FMNL2: variants seen among roughly 807,000 people sequenced by gnomAD.
FMNL2 encodes formin-like protein 2.
In FMNL2, 51 loss-of-function variants were observed where a neutral mutation model predicts 130.2. The ratio of observed to expected loss-of-function variants is 0.39; its 90% CI spans 0.31 to 0.49. The LOEUF (loss-of-function observed/expected upper bound fraction) is 0.49, where lower values mean the gene tolerates loss of function less well. Among genes scored for constraint, FMNL2 ranks in the 20% least tolerant of loss-of-function variants. The probability of loss-of-function intolerance (pLI) is 0.85; values close to 1 mark genes in which losing one functional copy is unlikely to be tolerated. For missense variants in FMNL2, 977 were observed against 1,316.2 expected (o/e 0.74, Z 3.99); for synonymous variants, 465 against 467.1 (o/e 1.00, Z 0.06).
intron 1 of FMNL2, among the ~76,000 whole-genome samples, chr2:152,443,768 G>A (rs1043419244): frequency 6.6e-6 from 1 of 152,062 alleles, no homozygotes; most frequent in Non-Finnish European, 1.5e-5. Flanking sequence ...GCTTGAACCC[G>A]GGAGGCAGAG....
intron 9 of FMNL2, among the ~76,000 whole-genome samples, chr2:152,591,938 C>T (rs1697467260): frequency 1.3e-5 from 2 of 152,234 alleles, no homozygotes; most frequent in East Asian, 3.9e-4. Context: ...CCCTTCTCTA[C>T]TAAAAATACA....
At chr2:152,482,375 T>C (rs748122368) in intron 1 of FMNL2, among the ~76,000 whole-genome samples, 2 of 152,212 alleles carry the variant, frequency 1.3e-5, no homozygotes, top group Non-Finnish European at 2.9e-5. Context: ...TCCATTCATA[T>C]GTGAAATAGC....
In FMNL2 at chr2:152,528,184, T is replaced by C. The variant is rs1260363631; in HGVS notation, c.201+6158T>C. Among the ~76,000 whole-genome samples, 4 of 152,228 alleles carry C rather than the reference T, an allele frequency of 2.6e-5. No homozygotes were observed. In the East Asian group the frequency reaches 7.7e-4, roughly 29 times the overall value. On this transcript the variant is annotated intron_variant, in intron 2 of 25. Transcript: ENST00000288670. ...CTTTCAAAACAAATATGAGTATCAT[T>C]ACTACCTAAAACATTACTAAGTAAA... is the stretch of plus-strand genomic sequence containing the variant.
intron 2 of FMNL2, among the ~76,000 whole-genome samples, chr2:152,532,202 A>T (rs1693736264): frequency 6.6e-6 from 1 of 152,222 alleles, no homozygotes; most frequent in South Asian, 2.1e-4. Flanking sequence ...CTTCTTCATT[A>T]GGGCAAGATA....
intron 17 of FMNL2, among the ~76,000 whole-genome samples, chr2:152,627,579 A>G (rs1187417568): frequency 6.6e-6 from 1 of 152,196 alleles, no homozygotes; most frequent in African/African-American, 2.4e-5. Flanking sequence ...CTGTCATTGA[A>G]TCCTGAAGTG....
intron 1 of FMNL2, among the ~76,000 whole-genome samples, chr2:152,385,337 G>T (rs976991512): frequency 1.3e-5 from 2 of 152,208 alleles, no homozygotes; most frequent in African/African-American, 4.8e-5. Context: ...AGTTTGTAGG[G>T]AGGGAGGCTG....
At chr2:152,632,196 G>A (rs993258838) in intron 21 of FMNL2, 59 bp downstream of exon 21, 1 of 1,567,068 alleles carries the variant, frequency 6.4e-7, no homozygotes, top group South Asian at 1.2e-5. Context: ...AATTGTGGTG[G>A]AGCCATTCCC....
intron 6 of FMNL2, 112 bp downstream of exon 6, chr2:152,561,147 T>C: frequency 9.3e-7 from 1 of 1,079,398 alleles, no homozygotes; most frequent in African/African-American, 1.6e-5. Flanking sequence ...TACAGCACTT[T>C]CATTTGCAAT....
chr2:152,554,197 G>A (rs1331567052), intron 4 of FMNL2, among the ~76,000 whole-genome samples: 1 of 152,128 alleles, frequency 6.6e-6, no homozygotes, highest in African/African-American at 2.4e-5. Flanking sequence ...GCTTGAGCCT[G>A]GGAGTTTGAG....
chr2:152,628,679 A>G, intron 18 of FMNL2, 146 bp downstream of exon 18: 1 of 677,868 alleles, frequency 1.5e-6, no homozygotes, highest in South Asian at 1.9e-5. Context: ...TATTTCAACC[A>G]TCTTTTCCAC....
intron 1 of FMNL2, among the ~76,000 whole-genome samples, chr2:152,402,533 T>A (rs188901682): frequency 1.3e-5 from 2 of 152,318 alleles, no homozygotes; most frequent in East Asian, 3.9e-4. Flanking sequence ...TCTTTTGTGA[T>A]GTTTACTGGT....
intron 1 of FMNL2, chr2:152,390,336 T>A: frequency 8.5e-7 from 1 of 1,178,602 alleles, no homozygotes; most frequent in African/African-American, 1.5e-5. Flanking sequence ...GGAGAGCTCG[T>A]GGCTCATTGA....
intron 2 of FMNL2, among the ~76,000 whole-genome samples, chr2:152,526,370 A>G (rs1346557888): frequency 6.6e-6 from 1 of 152,194 alleles, no homozygotes; most frequent in African/African-American, 2.4e-5. Context: ...GATGCCAGCA[A>G]TAACCTTTCC....
intron 1 of FMNL2, among the ~76,000 whole-genome samples, chr2:152,510,732 G>C (rs143626617): frequency 2.6e-5 from 4 of 152,200 alleles, no homozygotes. Context: ...CAAAGAAGGA[G>C]AAAACTAAGA....
chr2:152,603,399 G>GGT (rs1553485163), intron 9 of FMNL2, among the ~76,000 whole-genome samples: 1 of 135,174 alleles, frequency 7.4e-6, no homozygotes, highest in Non-Finnish European at 1.6e-5. Context: ...ATTTAAGTCT[G>GGT]TTTTTTTTTT....
chr2:152,357,181 AAAT>A lies in FMNL2; in HGVS notation c.117+21462_117+21464del, dbSNP rs1560293895. Among the ~76,000 whole-genome samples the A allele has an allele frequency of 1.5e-3, 164 of 112,606 alleles. 7 individuals are homozygous for A. Among genetic ancestry groups the A allele is most frequent in the African/African-American group, 4.6e-3 (143 of 31,186 alleles). 73.9% of individuals were successfully genotyped at this position (112,606 alleles called of 152,430 possible). On this transcript the variant is annotated intron_variant, in intron 1 of 25. Transcript: ENST00000288670. Reference sequence around the variant, plus strand: ...AGTTTAATGTATCACGATAAATATTAAATCAGTTTAATGTATCACGATAAATAT... The same window carrying A: ...AGTTTAATGTATCACGATAAATATTACAGTTTAATGTATCACGATAAATAT...
chr2:152,579,042 A>T (rs1172096247), intron 8 of FMNL2, 78 bp downstream of exon 8: 22 of 1,130,868 alleles, frequency 1.9e-5, no homozygotes, highest in Middle Eastern at 2.2e-4. Flanking sequence ...ACCAAGTTTG[A>T]CTTTGGAAAC....
chr2:152,643,937 T>TA, intron 25 of FMNL2: 1 of 972,186 alleles, frequency 1.0e-6, no homozygotes, highest in Non-Finnish European at 1.2e-6. Context: ...ATTAAGAACT[T>TA]ACTGTGTTCA....
At chr2:152,477,327 A>G (rs1019131362) in intron 1 of FMNL2, among the ~76,000 whole-genome samples, 4 of 152,246 alleles carry the variant, frequency 2.6e-5, no homozygotes, top group African/African-American at 9.6e-5. Context: ...TAATTTCATT[A>G]GTAAAGGAAT....
Sources: allele counts gnomAD v4.1 joint callset (sites outside exome capture counted in the v4.1 genomes callset), GRCh38; gene constraint gnomAD v4.1.1; transcripts MANE v1.5; gene names NCBI Gene and HGNC (gene_info 2026-07-23, HGNC 2026-07-21).